SLC24A2: variants seen among roughly 807,000 people sequenced by gnomAD.
SLC24A2 encodes sodium/potassium/calcium exchanger 2.
SLC24A2 carries 36 observed loss-of-function variants against 62.0 expected under a neutral mutation model. The ratio of observed to expected loss-of-function variants is 0.58; its 90% CI spans 0.44 to 0.77. The LOEUF (loss-of-function observed/expected upper bound fraction) is 0.77, where lower values mean the gene tolerates loss of function less well. SLC24A2 is among the 30% of genes least tolerant of loss of function. The pLI, the probability that SLC24A2 is intolerant of heterozygous loss-of-function variation, is 0.00. For synonymous variants in SLC24A2, 358 were observed against 294.0 expected, an observed-to-expected ratio of 1.22 and a Z score of -2.23; for missense variants, 846 against 817.9, an observed-to-expected ratio of 1.03 and a Z score of -0.42.
At chr9:20,185,093 G>T in the SLC24A2 span, among the ~76,000 whole-genome samples, 2 of 152,144 alleles carry the variant, frequency 1.3e-5, no homozygotes, top group Admixed American at 6.5e-5. Context: ...GTTGAGCAGG[G>T]AGGGATGTTG....
chr9:19,662,884 G>A (rs769542194), intron 2 of SLC24A2, among the ~76,000 whole-genome samples: 1 of 152,184 alleles, frequency 6.6e-6, no homozygotes, highest in Non-Finnish European at 1.5e-5. Context: ...GTGCACGTGT[G>A]TGTATGTGTT....
the SLC24A2 span, among the ~76,000 whole-genome samples, chr9:20,249,566 G>C: frequency 6.6e-6 from 1 of 151,884 alleles, no homozygotes; most frequent in African/African-American, 2.4e-5. Flanking sequence ...AGTAGCTGAC[G>C]TGGTGGCGGG....
intron 2 of SLC24A2, among the ~76,000 whole-genome samples, chr9:19,647,648 T>C (rs927438333): frequency 6.6e-6 from 1 of 152,084 alleles, no homozygotes; most frequent in Non-Finnish European, 1.5e-5. Context: ...TGGATTTAGA[T>C]GAAAGGGGAA....
the SLC24A2 span, among the ~76,000 whole-genome samples, chr9:20,143,055 A>G: frequency 6.6e-6 from 1 of 152,200 alleles, no homozygotes; most frequent in Admixed American, 6.5e-5. Context: ...AGAGTCACCC[A>G]CCAATGAAGT....
At chr9:20,230,129 A>T in the SLC24A2 span, among the ~76,000 whole-genome samples, 520 of 152,100 alleles carry the variant, frequency 3.4e-3, 4 homozygotes, top group African/African-American at 0.012. Context: ...AATCCAGTCT[A>T]TTGTTGTTGG....
the SLC24A2 span, among the ~76,000 whole-genome samples, chr9:19,880,295 T>C: frequency 1.3e-5 from 2 of 152,282 alleles, no homozygotes; most frequent in East Asian, 1.9e-4. Context: ...TCGGGACTGG[T>C]TGGCATGCAA....
chr9:19,925,703 C>G, the SLC24A2 span, among the ~76,000 whole-genome samples: 2 of 152,186 alleles, frequency 1.3e-5, no homozygotes, highest in Non-Finnish European at 2.9e-5. Context: ...GGTTCCCTGA[C>G]TAGGGAGTGG....
At chr9:19,626,187 T>C (rs1165485333) in intron 2 of SLC24A2, among the ~76,000 whole-genome samples, 2 of 152,190 alleles carry the variant, frequency 1.3e-5, no homozygotes, top group African/African-American at 4.8e-5. Flanking sequence ...GACTATAAAG[T>C]GTAGTTTTGA....
At chr9:19,873,771 G>A in the SLC24A2 span, among the ~76,000 whole-genome samples, 1 of 152,060 alleles carries the variant, frequency 6.6e-6, no homozygotes, top group Non-Finnish European at 1.5e-5. Context: ...GTGGGGAAGG[G>A]GGATAAAGTA....
At chr9:19,720,495 C>T (rs1420570465) in intron 2 of SLC24A2, among the ~76,000 whole-genome samples, 1 of 152,172 alleles carries the variant, frequency 6.6e-6, no homozygotes, top group Non-Finnish European at 1.5e-5. Flanking sequence ...TGGAATTTCA[C>T]AGTGAACACA....
chr9:19,508,254 C>G lies in SLC24A2; in HGVS notation c.*7899G>C, dbSNP rs956808234. On this transcript the variant is annotated 3_prime_UTR_variant, in exon 11 of 11. Coordinates refer to ENST00000341998, the MANE Select transcript of SLC24A2 (RefSeq NM_020344.4). ...AGCGCAATTCAGTAACTGAGGCTCC[C>G]TCTTCCGAATAGAGTCTCAGCCCTT... The G allele has an allele frequency of 2.0e-5, 3 of 152,210 alleles. No homozygotes were observed. The highest frequency in any genetic ancestry group is 2.9e-5 in the Non-Finnish European group (2 of 68,034). The allele number at this position is 152,210 out of a possible 1,614,324, so 9.4% of individuals were successfully genotyped here.
At chr9:20,159,402 T>G in the SLC24A2 span, among the ~76,000 whole-genome samples, 1 of 151,610 alleles carries the variant, frequency 6.6e-6, no homozygotes, top group Non-Finnish European at 1.5e-5. Flanking sequence ...CATCTAAGAT[T>G]TTTTTACCCT....
At chr9:20,232,280 C>A in the SLC24A2 span, among the ~76,000 whole-genome samples, 836 of 152,222 alleles carry the variant, frequency 5.5e-3, 18 homozygotes, top group East Asian at 0.046. Flanking sequence ...CCTTCTTTTT[C>A]TATTGATTGG....
chr9:19,623,742 T>C lies in SLC24A2; in HGVS notation c.931-1443A>G, dbSNP rs557588025. ...ATTAGACATTTAATAATTTTGATTT[T>C]TGTAGACACCTTTTTGGATTCTGGA... On this transcript the variant is annotated intron_variant, in intron 2 of 10. Transcript: ENST00000341998. 1.2e-3 allele frequency among the ~76,000 whole-genome samples: 190 copies of C among 152,356 alleles called. 1 individual carries two copies. The highest frequency in any genetic ancestry group is 3.4e-3 in the Middle Eastern group (1 of 294).
intron 1 of SLC24A2, 170 bp downstream of exon 1, chr9:19,788,715 C>A (rs1455873127): frequency 2.0e-6 from 2 of 985,254 alleles, no homozygotes; most frequent in African/African-American, 3.5e-5. Flanking sequence ...CAAATCCACG[C>A]CCCGGAGCAC....
chr9:20,253,732 A>T, the SLC24A2 span, among the ~76,000 whole-genome samples: 1 of 152,150 alleles, frequency 6.6e-6, no homozygotes. Context: ...TAGCAGAGAG[A>T]TTAACTGGAT....
chr9:20,249,112 G>A, the SLC24A2 span, among the ~76,000 whole-genome samples: 1 of 152,162 alleles, frequency 6.6e-6, no homozygotes, highest in African/African-American at 2.4e-5. Flanking sequence ...GTGACTTTGG[G>A]TAAGTTGATT....
At chr9:20,104,070 G>A in the SLC24A2 span, among the ~76,000 whole-genome samples, 48 of 152,166 alleles carry the variant, frequency 3.2e-4, no homozygotes, top group African/African-American at 1.1e-3. Context: ...CTCAGCAGCC[G>A]ATGCGATCAA....
intron 2 of SLC24A2, among the ~76,000 whole-genome samples, chr9:19,687,314 G>C (rs147704552): frequency 1.3e-5 from 2 of 152,082 alleles, no homozygotes; most frequent in African/African-American, 2.4e-5. Flanking sequence ...AGTTCACTGT[G>C]TTTGGGGTAT....
Sources: gnomAD v4.1 joint callset for allele counts (sites outside exome capture counted in the v4.1 genomes callset) on GRCh38, gnomAD v4.1.1 for gene constraint, MANE v1.5 for transcripts, NCBI Gene and HGNC (gene_info 2026-07-23, HGNC 2026-07-21) for gene names.